NLN: variants seen among roughly 807,000 people sequenced by gnomAD.
The protein encoded by NLN is neurolysin, mitochondrial.
A neutral mutation model predicts 79.9 loss-of-function variants in NLN; 64 were observed. The ratio of observed to expected loss-of-function variants is 0.80; its 90% CI spans 0.65 to 0.99. The LOEUF is 0.99. NLN is among the 50% of genes least tolerant of loss of function. The pLI is 0.00. For missense variants in NLN, 835 were observed against 858.7 expected (o/e 0.97, Z 0.34); for synonymous variants, 267 against 296.6 (o/e 0.90, Z 1.02).
At chr5:65,722,528 G>A (rs1222371427) in intron 1 of NLN, 114 bp downstream of exon 1, 1 of 970,502 alleles carries the variant, frequency 1.0e-6, no homozygotes, top group Non-Finnish European at 1.5e-6. Context: ...ACGCTCCCGG[G>A]ACGCACCCTC....
rs183653614 is a variant in NLN, at chr5:65,782,339, T to C, written c.822+918T>C. 7.9e-5 allele frequency among the ~76,000 whole-genome samples: 12 copies of C among 152,320 alleles called. No homozygotes were observed. In the East Asian group the frequency reaches 1.3e-3, roughly 17 times the overall value. Reference sequence around the variant, plus strand: ...TTTAGGGATCAAATAATCCAAACTTTTGTAGGCCAGACTTACGATATCTTT... The same window carrying C: ...TTTAGGGATCAAATAATCCAAACTTCTGTAGGCCAGACTTACGATATCTTT... On this transcript the variant is annotated intron_variant, in intron 6 of 12. Transcript: ENST00000380985.
intron 2 of NLN, among the ~76,000 whole-genome samples, chr5:65,761,258 A>G (rs1474047971): frequency 6.6e-6 from 1 of 151,916 alleles, no homozygotes; most frequent in Non-Finnish European, 1.5e-5. Context: ...TTCCTTCTTA[A>G]TATATTTCAT....
At chr5:65,799,069 A>C (rs967777094) in intron 9 of NLN, among the ~76,000 whole-genome samples, 1 of 152,132 alleles carries the variant, frequency 6.6e-6, no homozygotes, top group African/African-American at 2.4e-5. Context: ...TTTTGTAGAG[A>C]TAGGGTTTCA....
chr5:65,781,133 T>G, intron 5 of NLN, 128 bp from the exon 6 acceptor site: 2 of 622,286 alleles, frequency 3.2e-6, no homozygotes. Flanking sequence ...TTTAAAGGAT[T>G]GTCATTATTT....
chr5:65,809,498 C>A lies in NLN; in HGVS notation c.1528-17C>A. ...TCATTGAGTTCTTTAAAAAAATTCT[C>A]TGTGTTTGCTTTCTAGACTGATTTT... On this transcript the variant is annotated splice_polypyrimidine_tract_variant and intron_variant, in intron 9 of 12. Transcript: ENST00000380985. 6.4e-7 allele frequency: 1 copy of A among 1,565,178 alleles called. No individual in the cohort carries two copies. The highest frequency in any genetic ancestry group is 1.2e-5 in the South Asian group (1 of 83,234).
At chr5:65,762,623 AG>A (rs201297328) in intron 2 of NLN, among the ~76,000 whole-genome samples, 2,779 of 151,652 alleles carry the variant, frequency 0.018, 94 homozygotes, top group African/African-American at 0.065. Context: ...GGATTGCTTG[AG>A]CCTGGGAGGT....
chr5:65,745,675 T>C (rs1421873425), intron 1 of NLN, among the ~76,000 whole-genome samples: 1 of 152,148 alleles, frequency 6.6e-6, no homozygotes, highest in African/African-American at 2.4e-5. Flanking sequence ...AGCATAGATA[T>C]GAGAGCAAAA....
Position 65,822,796 on chromosome 5 carries a change from A to G in NLN, c.1996A>G (p.Arg666Gly), listed in dbSNP as rs1760830048. The G allele has an allele frequency of 1.2e-6, 2 of 1,611,344 alleles. No homozygotes were observed. The highest frequency in any genetic ancestry group is 2.7e-5 in the African/African-American group (2 of 74,894). The change falls in exon 13 of 13, where the codon AGA becomes GGA. Residue 666 changes from arginine (R) to glycine (G), a missense_variant. Arg to Gly is a moderately radical substitution (Grantham distance 125, BLOSUM62 -2). Transcript: ENST00000380985. Reference sequence around the variant, plus strand: ...ATTTTATTAGGTTGGAATGAAATACAGAAACCTAATCCTGAAACCTGGGGG... The same window carrying G: ...ATTTTATTAGGTTGGAATGAAATACGGAAACCTAATCCTGAAACCTGGGGG... ...IMNPEVGMKY[R>G]NLILKPGGSL...
chr5:65,731,664 G>A (rs553963928), intron 1 of NLN, among the ~76,000 whole-genome samples: 1 of 146,174 alleles, frequency 6.8e-6, no homozygotes, highest in Admixed American at 7.0e-5. Context: ...TTTCCTTTAT[G>A]ATTTCTGCCT....
chr5:65,733,903 CTT>C (rs1230031932), intron 1 of NLN, among the ~76,000 whole-genome samples: 1 of 123,426 alleles, frequency 8.1e-6, no homozygotes, highest in Non-Finnish European at 1.8e-5. Flanking sequence ...ATTTTTTTTT[CTT>C]TTTTTTTTTT....
chr5:65,807,411 T>A (rs1035663163), intron 9 of NLN, among the ~76,000 whole-genome samples: 2 of 151,806 alleles, frequency 1.3e-5, no homozygotes, highest in Non-Finnish European at 2.9e-5. Flanking sequence ...GGTGTATACA[T>A]TGTCTTTGTG....
At chr5:65,811,650 T>G (rs1760547815) in intron 11 of NLN, among the ~76,000 whole-genome samples, 1 of 152,060 alleles carries the variant, frequency 6.6e-6, no homozygotes, top group Non-Finnish European at 1.5e-5. Context: ...GGTGAAACCC[T>G]GTATCTACTA....
intron 11 of NLN, 98 bp downstream of exon 11, chr5:65,810,263 A>G: frequency 9.8e-7 from 1 of 1,015,282 alleles, no homozygotes; most frequent in Non-Finnish European, 1.5e-6. Context: ...AGATTACCTA[A>G]TTGTTTCTGA....
At position 65,788,197 on chromosome 5, in the gene NLN, A is replaced by G. The variant is rs762958916; in HGVS notation, c.1038A>G (p.Lys346=). The G allele has an allele frequency of 1.8e-5, 29 of 1,614,064 alleles. No individual in the cohort carries two copies. Among genetic ancestry groups the G allele is most frequent in the Non-Finnish European group, 1.9e-5 (23 of 1,180,000 alleles). The change falls in exon 8 of 13, where the codon AAA becomes AAG. Residue 346 remains lysine (K), a synonymous_variant. Transcript: ENST00000380985. ...FILNLKKKEC[K]DRGFEYDGKI... is the part of the protein sequence containing the mutation. ...TGAATTTGAAGAAAAAGGAATGCAA[A>G]GACAGGGGTTTTGAATATGATGGGA...
At chr5:65,752,231 C>G (rs957352007) in intron 1 of NLN, among the ~76,000 whole-genome samples, 5 of 122,348 alleles carry the variant, frequency 4.1e-5, no homozygotes, top group Non-Finnish European at 9.7e-5. Context: ...GAGTGAGACC[C>G]TGTTTCAAAA....
At position 65,809,671 on chromosome 5, in the gene NLN, A is replaced by G. The variant is rs1171470994; in HGVS notation, c.1684A>G (p.Lys562Glu). 1.9e-6 allele frequency: 3 copies of G among 1,610,968 alleles called. No individual in the cohort carries two copies. The highest frequency in any genetic ancestry group is 2.5e-6 in the Non-Finnish European group (3 of 1,179,226). ...GSPIADDLLE[K>E]LVASRLVNTG... ...CCCTATTGCAGACGATCTGCTTGAA[A>G]AACTTGTTGCTTCTAGGCTGGTCAA... The change falls in exon 10 of 13, where the codon AAA becomes GAA. Residue 562 changes from lysine to glutamate, a missense_variant. Coordinates refer to ENST00000380985, the MANE Select transcript of NLN (RefSeq NM_020726.5).
At chr5:65,738,988 T>TTA (rs375915872) in intron 1 of NLN, among the ~76,000 whole-genome samples, 108,390 of 118,518 alleles carry the variant, frequency 0.91, 49,711 homozygotes, top group Middle Eastern at 0.95. Flanking sequence ...TATTATATAT[T>TTA]TATATATATT....
chr5:65,809,401 A>G, intron 9 of NLN, 114 bp from the exon 10 acceptor site: 4 of 812,080 alleles, frequency 4.9e-6, no homozygotes, highest in East Asian at 2.5e-5. Context: ...CCCCTCATTC[A>G]GAGGAACAGT....
At position 65,822,858 on chromosome 5, in the gene NLN, G is replaced by C. The variant is rs141444389; in HGVS notation, c.2058G>C (p.Leu686Phe). ...GCATGGACATGCTCCACAATTTCTT[G>C]AAACGTGAGCCAAACCAAAAAGCGT... ...LDGMDMLHNF[L>F]KREPNQKAFL... The change falls in exon 13 of 13, where the codon TTG (leucine) becomes TTC (phenylalanine). Residue 686 changes from leucine to phenylalanine, a missense_variant. By Grantham distance (22) the Leu-to-Phe change is conservative (BLOSUM62 0). Coordinates refer to ENST00000380985, the MANE Select transcript of NLN (RefSeq NM_020726.5). The C allele has an allele frequency of 1.1e-5, 18 of 1,612,864 alleles. No homozygotes were observed. The African/African-American group carries it at 1.6e-4, about 14-fold the overall frequency.
Sources: gnomAD v4.1 joint callset for allele counts (sites outside exome capture counted in the v4.1 genomes callset) on GRCh38, gnomAD v4.1.1 for gene constraint, MANE v1.5 for transcripts, NCBI Gene and HGNC (gene_info 2026-07-23, HGNC 2026-07-21) for gene names.